The following ANKDD1A variants were observed in gnomAD, a reference collection of about 807,000 sequenced individuals.
ANKDD1A encodes ankyrin repeat and death domain-containing protein 1A.
ANKDD1A carries 59 observed loss-of-function variants against 63.5 expected under a neutral mutation model. The observed-to-expected ratio is 0.93, with a 90% CI of 0.75 to 1.15. ANKDD1A has a LOEUF of 1.15. ANKDD1A is among the 50% of genes most tolerant of loss of function. ANKDD1A has a pLI of 0.00. For missense variants in ANKDD1A, 632 were observed against 656.4 expected, an observed-to-expected ratio of 0.96 and a Z score of 0.41; for synonymous variants, 266 against 263.9, an observed-to-expected ratio of 1.01 and a Z score of -0.08.
intron 12 of ANKDD1A, 92 bp from the exon 13 acceptor site, chr15:64,947,312 G>A: frequency 7.5e-7 from 1 of 1,336,500 alleles, no homozygotes; most frequent in African/African-American, 1.5e-5. Context: ...CCCAGCAGAG[G>A]TGGTAGGAGG....
chr15:64,925,072 C>G (rs949338264), intron 4 of ANKDD1A, among the ~76,000 whole-genome samples: 5 of 151,548 alleles, frequency 3.3e-5, no homozygotes, highest in African/African-American at 1.2e-4. Flanking sequence ...ACTAAAAATA[C>G]AAAAAATTAG....
Position 64,953,648 on chromosome 15 carries a change from T to C in ANKDD1A, c.1484-3455T>C. Among the ~76,000 whole-genome samples the C allele has an allele frequency of 2.4e-5, 2 of 83,370 alleles. 1 individual carries two copies. The highest frequency in any genetic ancestry group is 5.9e-5 in the Non-Finnish European group (2 of 34,032). 54.7% of individuals were successfully genotyped at this position (83,370 alleles called of 152,430 possible). A position where few individuals can be genotyped will look rare whatever the true frequency, so the allele number is the denominator to read the frequency against. Reference sequence around the variant, plus strand: ...TCTTCTTCCTTCTTCTTCCTCTTCCTTCTCCTTCTTTTCTTTCTTCTCCTT... The same window carrying C: ...TCTTCTTCCTTCTTCTTCCTCTTCCCTCTCCTTCTTTTCTTTCTTCTCCTT... On this transcript the variant is annotated intron_variant, in intron 14 of 14. Transcript: ENST00000319580.
rs143676332 is a variant in ANKDD1A at position 64,929,248 on chromosome 15, A to C, written c.571-1574A>C. On this transcript the variant is annotated intron_variant, in intron 6 of 14. Coordinates refer to ENST00000319580, the MANE Select transcript of ANKDD1A (RefSeq NM_182703.6). ...GAGTGTAGTGGCGTAATCACAGCTC[A>C]TTGCAGCCTCAACTTCCCATGCTCA... Among the ~76,000 whole-genome samples the C allele has an allele frequency of 2.5e-3, 378 of 152,192 alleles. 6 individuals are homozygous for C. Among genetic ancestry groups the C allele is most frequent in the Admixed American group, 7.9e-3 (121 of 15,292 alleles).
intron 11 of ANKDD1A, among the ~76,000 whole-genome samples, chr15:64,944,021 C>T (rs1029724813): frequency 3.9e-5 from 6 of 152,144 alleles, no homozygotes; most frequent in Admixed American, 6.6e-5. Flanking sequence ...TGGTATGAGG[C>T]TGGGAGGTCA....
chr15:64,922,052 C>T (rs540297470), intron 4 of ANKDD1A, 33 bp downstream of exon 4: 22 of 1,601,870 alleles, frequency 1.4e-5, no homozygotes, highest in African/African-American at 9.4e-5. Context: ...CCTGTCCCCT[C>T]GGCTCCCCTG....
In ANKDD1A at chr15:64,951,831, C is replaced by T. The variant is rs1314951954; in HGVS notation, c.1483+1859C>T. 2.3e-4 allele frequency among the ~76,000 whole-genome samples: 24 copies of T among 102,302 alleles called. 1 individual carries two copies. The highest frequency in any genetic ancestry group is 4.3e-4 in the Non-Finnish European group (21 of 48,918). 67.1% of individuals were successfully genotyped at this position (102,302 alleles called of 152,430 possible). A position where few individuals can be genotyped will look rare whatever the true frequency, so the allele number is the denominator to read the frequency against. ...TTCTTCTTTCTTCCTCTTCTTCATC[C>T]TTCTTATTCTTTCTTCTTCTTTCTT... On this transcript the variant is annotated intron_variant, in intron 14 of 14. Coordinates refer to ENST00000319580, the MANE Select transcript of ANKDD1A (RefSeq NM_182703.6).
At chr15:64,942,288 G>A (rs770044296) in intron 9 of ANKDD1A, among the ~76,000 whole-genome samples, 179 bp from the exon 10 acceptor site, 2 of 152,106 alleles carry the variant, frequency 1.3e-5, no homozygotes, top group African/African-American at 4.8e-5. Flanking sequence ...TCAGTTTGGG[G>A]CTCCAGGAAT....
At chr15:64,956,916 T>C (rs1021821116) in intron 14 of ANKDD1A, among the ~76,000 whole-genome samples, 187 bp from the exon 15 acceptor site, 2 of 152,214 alleles carry the variant, frequency 1.3e-5, no homozygotes, top group African/African-American at 4.8e-5. Flanking sequence ...TACGTTATGA[T>C]ATATGATAGG....
chr15:64,920,770 A>G (rs2085002080), intron 3 of ANKDD1A, among the ~76,000 whole-genome samples: 1 of 151,348 alleles, frequency 6.6e-6, no homozygotes, highest in African/African-American at 2.4e-5. Context: ...CTGGTCTTGA[A>G]CTCCTGGGCT....
intron 1 of ANKDD1A, 143 bp downstream of exon 1, chr15:64,912,107 T>C: frequency 1.2e-6 from 1 of 853,884 alleles, no homozygotes; most frequent in Non-Finnish European, 1.6e-6. Context: ...AGCGGAATGG[T>C]TACCGGTCCG....
At chr15:64,939,494 A>G (rs1329449335) in intron 9 of ANKDD1A, among the ~76,000 whole-genome samples, 1 of 152,154 alleles carries the variant, frequency 6.6e-6, no homozygotes, top group Non-Finnish European at 1.5e-5. Flanking sequence ...ACGTGCCTGT[A>G]GTCCCTGTTC....
intron 14 of ANKDD1A, among the ~76,000 whole-genome samples, chr15:64,952,121 TCTCTTTCTTCTTCTTCCTTATTCTTCTTC>T (rs2085299095): frequency 6.9e-6 from 1 of 145,680 alleles, no homozygotes; most frequent in African/African-American, 2.6e-5. Context: ...TCTTCTTTCT[TCTCTTTCTTCTTCTTCCTTATTCTTCTTC>T]CTCTTTCTTC....
chr15:64,927,080 C>A, intron 6 of ANKDD1A, 81 bp downstream of exon 6: 2 of 1,434,898 alleles, frequency 1.4e-6, no homozygotes, highest in Non-Finnish European at 2.0e-6. Context: ...TCACCTGTGT[C>A]CACGTCTGAC....
chr15:64,935,670 G>A (rs536394105), intron 9 of ANKDD1A, among the ~76,000 whole-genome samples: 9 of 148,268 alleles, frequency 6.1e-5, no homozygotes, highest in South Asian at 2.2e-4. Flanking sequence ...GCAAGACTCC[G>A]CCTCAAAAAA....
rs2085049072 is a variant in ANKDD1A at position 64,926,901 on chromosome 15, C to G, written c.472C>G (p.Leu158Val). Reference sequence around the variant, plus strand: ...TCACACCGCTTCTCCTCCCGGCCAGCTGGGGAGGACGGCGTTTCACAGGGC... The same window carrying G: ...TCACACCGCTTCTCCTCCCGGCCAGGTGGGGAGGACGGCGTTTCACAGGGC... Reference protein sequence around the residue: ...EDVALDHVDKLGRTAFHRAAE... With the variant: ...EDVALDHVDKVGRTAFHRAAE... Residue 158 changes from leucine to valine, a missense_variant and splice_region_variant, in exon 6 of 15, where the codon CTG (leucine) becomes GTG (valine). Coordinates refer to ENST00000319580, the MANE Select transcript of ANKDD1A (RefSeq NM_182703.6). The G allele has an allele frequency of 1.2e-6, 2 of 1,613,984 alleles. No individual in the cohort carries two copies. The highest frequency in any genetic ancestry group is 1.7e-6 in the Non-Finnish European group (2 of 1,179,984).
chr15:64,913,909 A>G (rs1365266104), intron 1 of ANKDD1A: 2 of 152,136 alleles, frequency 1.3e-5, no homozygotes, highest in South Asian at 4.1e-4. Flanking sequence ...ATGTGTGAGC[A>G]CTTTGGGAGA....
At chr15:64,912,103 A>T in intron 1 of ANKDD1A, 139 bp downstream of exon 1, 1 of 882,774 alleles carries the variant, frequency 1.1e-6, no homozygotes, top group Non-Finnish European at 1.5e-6. Context: ...TCCGAGCGGA[A>T]TGGTTACCGG....
Position 64,917,436 on chromosome 15 carries a change from T to C in ANKDD1A, c.189T>C (p.Ala63=). 2 of 1,610,628 alleles carry C rather than the reference T, an allele frequency of 1.2e-6. No individual in the cohort carries two copies. Among genetic ancestry groups the C allele is most frequent in the Non-Finnish European group, 1.7e-6 (2 of 1,179,088 alleles). The stretch of plus-strand genomic sequence containing the variant: ...CTGCAGGTGCAGGGCACGAGCAGGC[T>C]GTGCGTCTGCTTCTGGAGCACGAGG... ...HWAAGAGHEQ[A]VRLLLEHEAA... is the part of the protein sequence containing the mutation. The change falls in exon 3 of 15, where the codon GCT becomes GCC. Residue 63 remains alanine (A), a synonymous_variant. Coordinates refer to ENST00000319580, the MANE Select transcript of ANKDD1A (RefSeq NM_182703.6).
intron 14 of ANKDD1A, among the ~76,000 whole-genome samples, chr15:64,954,977 TCTC>T (rs1206924002): frequency 6.6e-6 from 1 of 151,492 alleles, no homozygotes; most frequent in Non-Finnish European, 1.5e-5. Flanking sequence ...TCCTTGTTCT[TCTC>T]CTGCTTCTCC....
Sources: allele counts gnomAD v4.1 joint callset (sites outside exome capture counted in the v4.1 genomes callset), GRCh38; gene constraint gnomAD v4.1.1; transcripts MANE v1.5; gene names NCBI Gene and HGNC (gene_info 2026-07-23, HGNC 2026-07-21).